GRID2: variants seen among roughly 807,000 people sequenced by gnomAD.
The protein encoded by GRID2 is glutamate ionotropic receptor delta type subunit 2, also known as glutamate receptor ionotropic, delta-2.
A neutral mutation model predicts 114.8 loss-of-function variants in GRID2; 33 were observed. That is an observed-to-expected ratio of 0.29 (90% CI 0.22 to 0.38). The LOEUF (loss-of-function observed/expected upper bound fraction) is 0.38, where lower values mean the gene tolerates loss of function less well. Ranked by LOEUF, GRID2 falls within the 10% of genes least tolerant of loss-of-function variation. The probability of loss-of-function intolerance (pLI) is 1.00; values close to 1 mark genes in which losing one functional copy is unlikely to be tolerated. For missense variants in GRID2, 1,184 were observed against 1,257.7 expected (o/e 0.94, Z 0.89); for synonymous variants, 505 against 449.9 (o/e 1.12, Z -1.55).
chr4:92,597,022 A>G (rs1728987942), intron 2 of GRID2, among the ~76,000 whole-genome samples: 2 of 152,074 alleles, frequency 1.3e-5, no homozygotes, highest in African/African-American at 4.8e-5. Context: ...AAGATGGTCT[A>G]GCTTTTTAAG....
intron 8 of GRID2, among the ~76,000 whole-genome samples, chr4:93,363,945 ATTCTT>A (rs1762104885): frequency 1.3e-5 from 2 of 151,938 alleles, no homozygotes; most frequent in Non-Finnish European, 2.9e-5. Context: ...TATATTCTCT[ATTCTT>A]CAGTTCTGTA....
chr4:93,556,235 G>C (rs941172145), intron 13 of GRID2, among the ~76,000 whole-genome samples: 1 of 152,102 alleles, frequency 6.6e-6, no homozygotes, highest in Non-Finnish European at 1.5e-5. Context: ...GCCAGCAAGG[G>C]AACAAAACTA....
chr4:92,759,129 G>A (rs750465005), intron 2 of GRID2, among the ~76,000 whole-genome samples: 1 of 152,138 alleles, frequency 6.6e-6, no homozygotes, highest in Non-Finnish European at 1.5e-5. Flanking sequence ...TTTGGGAAAG[G>A]TCATTTGGCT....
chr4:92,961,716 A>T (rs914249763), intron 2 of GRID2, among the ~76,000 whole-genome samples: 2 of 151,432 alleles, frequency 1.3e-5, no homozygotes, highest in Non-Finnish European at 2.9e-5. Context: ...TGTCAGACAT[A>T]ACTTGAAGAA....
At chr4:93,439,635 C>T (rs1008355337) in intron 10 of GRID2, among the ~76,000 whole-genome samples, 1 of 151,998 alleles carries the variant, frequency 6.6e-6, no homozygotes, top group Non-Finnish European at 1.5e-5. Context: ...AGATCATGCA[C>T]AGAATGATTA....
intron 2 of GRID2, among the ~76,000 whole-genome samples, chr4:92,979,336 A>T (rs1263348446): frequency 6.6e-6 from 1 of 151,998 alleles, no homozygotes. Flanking sequence ...AGCTCCCTTT[A>T]TAATTTATTA....
intron 11 of GRID2, among the ~76,000 whole-genome samples, chr4:93,470,599 T>A (rs1724708417): frequency 6.6e-6 from 1 of 152,108 alleles, no homozygotes; most frequent in Admixed American, 6.6e-5. Context: ...TGTTGTGAGT[T>A]TATAAGTTAA....
chr4:93,367,229 G>A (rs552987298), intron 8 of GRID2, among the ~76,000 whole-genome samples: 98 of 90,962 alleles, frequency 1.1e-3, no homozygotes, highest in Non-Finnish European at 1.9e-3. Flanking sequence ...GTCAGTTGTT[G>A]AAATTTTTAA....
chr4:92,930,528 A>G (rs1750144007), intron 2 of GRID2, among the ~76,000 whole-genome samples: 1 of 150,810 alleles, frequency 6.6e-6, no homozygotes, highest in Non-Finnish European at 1.5e-5. Context: ...GACAGGATAT[A>G]AGAAGATTTA....
intron 2 of GRID2, among the ~76,000 whole-genome samples, chr4:92,778,859 G>A (rs1283265540): frequency 1.3e-5 from 2 of 151,980 alleles, no homozygotes; most frequent in African/African-American, 4.8e-5. Flanking sequence ...GCTGGTTCAT[G>A]CCTTAAAGAT....
rs149545985 is a variant in GRID2, at chr4:92,674,872, G to T, written c.244+84586G>T. ...TAAATTCTCAAACATACATGTAATA[G>T]CTGTTTTATTGATTTTTTTCCTATT... On this transcript the variant is annotated intron_variant, in intron 2 of 15. Transcript: ENST00000282020. Among the ~76,000 whole-genome samples, 427 of 152,262 alleles carry T rather than the reference G, an allele frequency of 2.8e-3. 1 individual carries two copies. Among genetic ancestry groups the T allele is most frequent in the Middle Eastern group, 6.8e-3 (2 of 292 alleles).
At chr4:92,666,670 T>TTCC (rs368637464) in intron 2 of GRID2, among the ~76,000 whole-genome samples, 4 of 133,026 alleles carry the variant, frequency 3.0e-5, no homozygotes, top group African/African-American at 1.2e-4. Context: ...TTTTTTTTTT[T>TTCC]CAGATCTTTT....
At chr4:93,661,807 C>T (rs1309956029) in intron 14 of GRID2, among the ~76,000 whole-genome samples, 4 of 152,174 alleles carry the variant, frequency 2.6e-5, no homozygotes, top group Non-Finnish European at 5.9e-5. Context: ...CACTCTGGCT[C>T]TCTTACAGTG....
intron 1 of GRID2, among the ~76,000 whole-genome samples, chr4:92,355,711 A>T (rs895198415): frequency 6.6e-6 from 1 of 151,826 alleles, no homozygotes; most frequent in Non-Finnish European, 1.5e-5. Context: ...TTATTCCCCA[A>T]ATATAGAGAA....
chr4:93,507,198 G>T (rs924511765), intron 12 of GRID2, among the ~76,000 whole-genome samples: 2 of 152,054 alleles, frequency 1.3e-5, no homozygotes, highest in African/African-American at 4.8e-5. Context: ...GAAAACATCA[G>T]GAGTCCTTTT....
At chr4:93,137,746 A>G (rs935569088) in intron 4 of GRID2, among the ~76,000 whole-genome samples, 1 of 152,090 alleles carries the variant, frequency 6.6e-6, no homozygotes, top group Non-Finnish European at 1.5e-5. Flanking sequence ...TGTTTTAATT[A>G]TATCATCTTC....
At chr4:93,746,406 T>A (rs1357283046) in intron 14 of GRID2, among the ~76,000 whole-genome samples, 1 of 152,116 alleles carries the variant, frequency 6.6e-6, no homozygotes, top group African/African-American at 2.4e-5. Flanking sequence ...GTACCCTAGC[T>A]GGGTTACTCT....
intron 8 of GRID2, among the ~76,000 whole-genome samples, chr4:93,347,634 G>A (rs1760371668): frequency 6.6e-6 from 1 of 152,100 alleles, no homozygotes; most frequent in Non-Finnish European, 1.5e-5. Flanking sequence ...CTGTATGCCA[G>A]TTATTCATAT....
intron 1 of GRID2, among the ~76,000 whole-genome samples, chr4:92,356,927 A>T (rs1049655419): frequency 6.6e-6 from 1 of 151,854 alleles, no homozygotes; most frequent in African/African-American, 2.4e-5. Context: ...ACAAACTATG[A>T]TCTAGCAAGG....
Sources: allele counts gnomAD v4.1 joint callset (sites outside exome capture counted in the v4.1 genomes callset), GRCh38; gene constraint gnomAD v4.1.1; transcripts MANE v1.5; gene names NCBI Gene and HGNC (gene_info 2026-07-23, HGNC 2026-07-21).